The following GPHN variants were observed in gnomAD, a reference collection of about 807,000 sequenced individuals.
The protein encoded by GPHN is gephyrin.
GPHN carries 17 observed loss-of-function variants against 95.5 expected under a neutral mutation model. The ratio of observed to expected loss-of-function variants is 0.18; its 90% CI spans 0.12 to 0.27. GPHN has a LOEUF of 0.27. GPHN is among the 10% of genes least tolerant of loss of function. GPHN has a pLI of 1.00. For synonymous variants in GPHN, 320 were observed against 322.5 expected, an observed-to-expected ratio of 0.99 and a Z score of 0.08; for missense variants, 660 against 978.1, an observed-to-expected ratio of 0.67 and a Z score of 4.34.
intron 18 of GPHN, among the ~76,000 whole-genome samples, chr14:67,150,453 CAAAAAAAAAA>C (rs1164806975): frequency 1.0e-5 from 1 of 98,090 alleles, no homozygotes; most frequent in South Asian, 3.4e-4. Context: ...AAAAAAAAAA[CAAAAAAAAAA>C]AAAAAAAAAA....
chr14:67,548,005 A>G, the GPHN span, among the ~76,000 whole-genome samples: 2 of 152,120 alleles, frequency 1.3e-5, no homozygotes, highest in African/African-American at 2.4e-5. Context: ...CAGGTTAGCC[A>G]TGGGTTCCCT....
chr14:67,052,938 G>A (rs2075370095), intron 10 of GPHN, among the ~76,000 whole-genome samples: 1 of 151,990 alleles, frequency 6.6e-6, no homozygotes, highest in African/African-American at 2.4e-5. Context: ...CTGGGACGCA[G>A]CCAAAGCAGC....
chr14:66,901,488 T>C (rs1008146635), intron 5 of GPHN, among the ~76,000 whole-genome samples: 4 of 152,156 alleles, frequency 2.6e-5, no homozygotes, highest in Non-Finnish European at 5.9e-5. Context: ...CTCAGTGTTT[T>C]CTTCTAGTAG....
intron 4 of GPHN, among the ~76,000 whole-genome samples, chr14:66,870,141 T>C (rs1235203596): frequency 6.6e-6 from 1 of 152,182 alleles, no homozygotes; most frequent in Non-Finnish European, 1.5e-5. Context: ...GGTTCTAATG[T>C]TTTATGTAAA....
chr14:66,707,705 A>G (rs750662199), intron 2 of GPHN, among the ~76,000 whole-genome samples: 2 of 152,052 alleles, frequency 1.3e-5, no homozygotes, highest in Admixed American at 6.6e-5. Flanking sequence ...GGATGGGTCA[A>G]TAGGTGCAGT....
At chr14:67,485,739 A>C in the GPHN span, among the ~76,000 whole-genome samples, 1 of 152,322 alleles carries the variant, frequency 6.6e-6, no homozygotes, top group African/African-American at 2.4e-5. Flanking sequence ...AGGAAAAGCC[A>C]GGGGCTGAGG....
the GPHN span, among the ~76,000 whole-genome samples, chr14:67,547,714 G>A: frequency 8.5e-5 from 13 of 152,204 alleles, no homozygotes; most frequent in African/African-American, 2.9e-4. Flanking sequence ...TGTGGGCTGC[G>A]GAGGCTTGGA....
chr14:66,772,841 T>G (rs932956099), intron 2 of GPHN, among the ~76,000 whole-genome samples: 2 of 152,206 alleles, frequency 1.3e-5, no homozygotes, highest in African/African-American at 4.8e-5. Flanking sequence ...TCAAATAAAT[T>G]TGGTCTTTAA....
chr14:67,531,920 A>T, the GPHN span, among the ~76,000 whole-genome samples: 15 of 151,320 alleles, frequency 9.9e-5, no homozygotes, highest in African/African-American at 3.4e-4. Flanking sequence ...CAAAAAAAAA[A>T]AAAAAAAAAA....
chr14:67,585,303 T>C, the GPHN span: 1 of 438,506 alleles, frequency 2.3e-6, no homozygotes, highest in South Asian at 2.3e-5. Flanking sequence ...GCAGCATGGG[T>C]TCTAGGGACA....
chr14:67,695,438 C>G, the GPHN span, among the ~76,000 whole-genome samples: 10 of 152,238 alleles, frequency 6.6e-5, no homozygotes, highest in African/African-American at 2.4e-4. Context: ...CCCTTTCTCA[C>G]CGCCTGGGGT....
At position 66,973,255 on chromosome 14, in the gene GPHN, C is replaced by G. The variant is rs112572639; in HGVS notation, c.963+7930C>G. On this transcript the variant is annotated intron_variant, in intron 9 of 22. Transcript: ENST00000478722. ...GCATTATAAATAGTTTACCTGTCCT[C>G]TGTGATCCAGGTTAATCCTAGGGCA... 3.1e-3 allele frequency among the ~76,000 whole-genome samples: 469 copies of G among 152,338 alleles called. 10 individuals carry two copies. Among genetic ancestry groups the G allele is most frequent in the African/African-American group, 0.011 (444 of 41,568 alleles).
the GPHN span, among the ~76,000 whole-genome samples, chr14:67,465,216 A>C: frequency 2.6e-5 from 4 of 152,240 alleles, no homozygotes; most frequent in African/African-American, 9.6e-5. Context: ...CTCCACGGAG[A>C]TAGAAACCAA....
At chr14:66,802,548 C>T (rs1395324625) in intron 3 of GPHN, among the ~76,000 whole-genome samples, 1 of 152,158 alleles carries the variant, frequency 6.6e-6, no homozygotes, top group East Asian at 1.9e-4. Flanking sequence ...CCATAGCCAC[C>T]ACAGGTGGGA....
chr14:66,897,417 T>A (rs1810768410), intron 5 of GPHN, among the ~76,000 whole-genome samples: 3 of 152,152 alleles, frequency 2.0e-5, no homozygotes, highest in Admixed American at 2.0e-4. Flanking sequence ...AATTTCATAC[T>A]GCTCTCCATA....
chr14:67,455,356 T>C, the GPHN span, among the ~76,000 whole-genome samples: 1 of 152,186 alleles, frequency 6.6e-6, no homozygotes, highest in African/African-American at 2.4e-5. Flanking sequence ...TGCAGTATTC[T>C]TCCTTCCCCA....
In GPHN at chr14:66,897,046, T is replaced by A. The variant is rs540745375; in HGVS notation, c.389+17013T>A. ...AAAATTCAGTAAATTTTCAAAAAAA[T>A]TTTATTAAACTTTTAAGATGGTAAT... is the stretch of plus-strand genomic sequence containing the variant. On this transcript the variant is annotated intron_variant, in intron 5 of 22. Transcript: ENST00000478722. Among the ~76,000 whole-genome samples the A allele has an allele frequency of 4.1e-4, 63 of 152,220 alleles. 3 individuals are homozygous for A. In the South Asian group the frequency reaches 0.012, roughly 30 times the overall value.
chr14:67,573,157 A>G, the GPHN span: 5 of 657,078 alleles, frequency 7.6e-6, no homozygotes, highest in East Asian at 1.1e-4. The surrounding 1 kb of genome is among the most constrained non-coding windows in gnomAD (Gnocchi z 4.8). Flanking sequence ...TAGGTACTCA[A>G]TAATTTTGTA....
chr14:67,485,655 A>G, the GPHN span, among the ~76,000 whole-genome samples: 1 of 152,182 alleles, frequency 6.6e-6, no homozygotes, highest in Non-Finnish European at 1.5e-5. Flanking sequence ...CTGCACAGAC[A>G]TAACAGCCTT....
Sources: gnomAD v4.1 joint callset for allele counts (sites outside exome capture counted in the v4.1 genomes callset) on GRCh38, gnomAD v4.1.1 for gene constraint, Gnocchi (gnomAD v3.1) non-coding constraint, MANE v1.5 for transcripts, NCBI Gene and HGNC (gene_info 2026-07-23, HGNC 2026-07-21) for gene names.